Variants in THSD4 observed in about 807,000 individuals in gnomAD.
THSD4 encodes thrombospondin type-1 domain-containing protein 4.
A neutral mutation model predicts 119.0 loss-of-function variants in THSD4; 69 were observed. The ratio of observed to expected loss-of-function variants is 0.58; its 90% confidence interval spans 0.48 to 0.71. The LOEUF is 0.71. Ranked by LOEUF, THSD4 falls within the 30% of genes least tolerant of loss-of-function variation. THSD4 has a pLI of 0.00. For missense variants in THSD4, 1,393 were observed against 1,391.1 expected (o/e 1.00, Z -0.02); for synonymous variants, 524 against 540.4 (o/e 0.97, Z 0.42).
chr15:71,213,574 C>T (rs1435340235), intron 3 of THSD4, among the ~76,000 whole-genome samples: 7 of 152,170 alleles, frequency 4.6e-5, no homozygotes, highest in Non-Finnish European at 7.3e-5. Context: ...TTTCCCTTGT[C>T]TTCTGGGCCT....
At chr15:71,687,287 A>G (rs914878532) in intron 8 of THSD4, among the ~76,000 whole-genome samples, 1 of 152,202 alleles carries the variant, frequency 6.6e-6, no homozygotes, top group African/African-American at 2.4e-5. Flanking sequence ...ATTTTATTCT[A>G]TATGAAAAAT....
chr15:71,711,347 A>G (rs2052512300), intron 8 of THSD4, among the ~76,000 whole-genome samples: 1 of 152,078 alleles, frequency 6.6e-6, no homozygotes, highest in African/African-American at 2.4e-5. Flanking sequence ...TAAAATTTCT[A>G]CATTTTGTTT....
chr15:71,199,092 C>G (rs2043745521), intron 3 of THSD4, among the ~76,000 whole-genome samples: 1 of 152,208 alleles, frequency 6.6e-6, no homozygotes, highest in South Asian at 2.1e-4. Flanking sequence ...ACTGGCCTCC[C>G]TGGACTCTGC....
rs928414188 is a variant in THSD4, at chr15:71,185,553, GA to G, written c.100-29478del. ...ACAATATCTGTAGAAAGCACTCAGA[GA>G]AAATGAAGGCCATAAAATGTCAAAG... On this transcript the variant is annotated intron_variant, in intron 3 of 17. Transcript: ENST00000261862. The G allele has an allele frequency of 4.5e-4, 67 of 147,266 alleles. 1 individual carries two copies. Among genetic ancestry groups the G allele is most frequent in the African/African-American group, 1.6e-3 (67 of 41,238 alleles). 9.1% of individuals were successfully genotyped at this position (147,266 alleles called of 1,614,324 possible). A position where few individuals can be genotyped will look rare whatever the true frequency, so the allele number is the denominator to read the frequency against.
At chr15:71,547,635 A>G (rs2048857906) in intron 7 of THSD4, 1 of 831,034 alleles carries the variant, frequency 1.2e-6, no homozygotes, top group African/African-American at 1.8e-5. Flanking sequence ...GCCTTTTCTT[A>G]TATGAAGACT....
intron 8 of THSD4, among the ~76,000 whole-genome samples, chr15:71,702,647 A>C (rs1289557824): frequency 6.6e-6 from 1 of 152,212 alleles, no homozygotes; most frequent in Non-Finnish European, 1.5e-5. Flanking sequence ...AAAGTCATCA[A>C]CTGGGCTTTC....
chr15:71,320,471 T>G (rs2045251164), intron 6 of THSD4, among the ~76,000 whole-genome samples: 1 of 152,194 alleles, frequency 6.6e-6, no homozygotes, highest in African/African-American at 2.4e-5. Context: ...GATCACAAAC[T>G]TTCCTTCTCC....
chr15:71,632,401 A>T (rs1261451292), intron 7 of THSD4, among the ~76,000 whole-genome samples: 1 of 152,202 alleles, frequency 6.6e-6, no homozygotes, highest in Non-Finnish European at 1.5e-5. Context: ...TTACCGGGTC[A>T]TGTAACTCTT....
intron 8 of THSD4, among the ~76,000 whole-genome samples, chr15:71,675,218 G>A (rs1048294543): frequency 4.6e-5 from 7 of 152,134 alleles, no homozygotes; most frequent in African/African-American, 1.7e-4. Context: ...GCCCTGTGGT[G>A]TTTGGAGTCC....
intron 7 of THSD4, among the ~76,000 whole-genome samples, chr15:71,647,234 G>A (rs939144712): frequency 1.3e-5 from 2 of 152,218 alleles, no homozygotes; most frequent in African/African-American, 2.4e-5. Context: ...TCTCTTGGAA[G>A]CCATGTGTGG....
intron 7 of THSD4, among the ~76,000 whole-genome samples, chr15:71,460,525 T>G (rs1566992066): frequency 6.6e-6 from 1 of 152,124 alleles, no homozygotes; most frequent in Non-Finnish European, 1.5e-5. Flanking sequence ...TTATGTTACC[T>G]CCAGTCCTGA....
intron 3 of THSD4, among the ~76,000 whole-genome samples, chr15:71,191,541 A>G (rs534340341): frequency 5.7e-4 from 87 of 152,196 alleles, no homozygotes; most frequent in African/African-American, 2.0e-3. Flanking sequence ...CTTCACAGCA[A>G]CCTTATGAAT....
upstream of THSD4, chr15:71,112,099 T>C: frequency 6.2e-7 from 1 of 1,612,828 alleles, no homozygotes; most frequent in East Asian, 2.2e-5. Flanking sequence ...CCCAGAAGGT[T>C]GCTCTCAGCA....
intron 7 of THSD4, among the ~76,000 whole-genome samples, chr15:71,467,872 G>A (rs1347594518): frequency 2.1e-5 from 3 of 145,342 alleles, no homozygotes; most frequent in Admixed American, 7.0e-5. Context: ...TTTTTGAGAC[G>A]GAGTTTTGCT....
At chr15:71,100,212 G>T (rs1185002116) in intron 1 of THSD4, among the ~76,000 whole-genome samples, 1 of 152,126 alleles carries the variant, frequency 6.6e-6, no homozygotes, top group Non-Finnish European at 1.5e-5. Context: ...CCTGTGAGTT[G>T]TTTCCAACCA....
At chr15:71,562,461 G>C (rs2049139957) in intron 7 of THSD4, among the ~76,000 whole-genome samples, 1 of 152,094 alleles carries the variant, frequency 6.6e-6, no homozygotes, top group South Asian at 2.1e-4. Flanking sequence ...TATTTGCAGA[G>C]AGCCTACCAT....
In THSD4 at chr15:71,589,872, T is replaced by C. The variant is rs1267985874; in HGVS notation, c.1153-70658T>C. The stretch of plus-strand genomic sequence containing the variant: ...TGTAATGAAGTACAGAGTAACACTT[T>C]AAAAACAGGAAAACTAGAGCCACAT... On this transcript the variant is annotated intron_variant, in intron 7 of 17. Transcript: ENST00000261862. Among the ~76,000 whole-genome samples, 7 of 138,920 alleles carry C rather than the reference T, an allele frequency of 5.0e-5. 3 individuals carry two copies. In the East Asian group the frequency reaches 8.3e-4, roughly 16 times the overall value. 91.1% of individuals were successfully genotyped at this position (138,920 alleles called of 152,430 possible).
chr15:71,174,343 G>A (rs1484165219), intron 3 of THSD4, among the ~76,000 whole-genome samples: 1 of 151,856 alleles, frequency 6.6e-6, no homozygotes, highest in Non-Finnish European at 1.5e-5. Context: ...AGGGGTCAGG[G>A]AGTTCCCTTT....
Position 71,101,560 on chromosome 15 carries a change from T to G in THSD4, c.-80+4554T>G, listed in dbSNP as rs111237782. On this transcript the variant is annotated intron_variant, in intron 1 of 17. Transcript: ENST00000355327. Reference sequence around the variant, plus strand: ...TAAAGTTTCCCTCGATTTAATTTCCTTGTAGTCTGAAGAATTCTCCTTAGC... The same window carrying G: ...TAAAGTTTCCCTCGATTTAATTTCCGTGTAGTCTGAAGAATTCTCCTTAGC... Among the ~76,000 whole-genome samples the G allele has an allele frequency of 2.9e-4, 44 of 152,352 alleles. 1 individual carries two copies. The highest frequency in any genetic ancestry group is 7.9e-4 in the African/African-American group (33 of 41,584).
Sources: gnomAD v4.1 joint callset for allele counts (sites outside exome capture counted in the v4.1 genomes callset) on GRCh38, gnomAD v4.1.1 for gene constraint, MANE v1.5 for transcripts, NCBI Gene and HGNC (gene_info 2026-07-23, HGNC 2026-07-21) for gene names.